The following BRI3 variants were observed in gnomAD, a reference collection of about 807,000 sequenced individuals.
BRI3 encodes the protein membrane protein BRI3.
BRI3 carries 6 observed loss-of-function variants against 12.8 expected under a neutral mutation model. That is an observed-to-expected ratio of 0.47 (90% CI 0.26 to 0.93). BRI3 has a LOEUF of 0.93. BRI3 is among the 40% of genes least tolerant of loss of function. The pLI, the probability that BRI3 is intolerant of heterozygous loss-of-function variation, is 0.15. For missense variants in BRI3, 134 were observed against 171.1 expected (o/e 0.78, Z 1.21); for synonymous variants, 91 against 76.1 (o/e 1.20, Z -1.02).
chr7:98,315,424 A>T, downstream of BRI3: 1 of 1,365,466 alleles, frequency 7.3e-7, no homozygotes, highest in Non-Finnish European at 9.6e-7. Flanking sequence ...AAATAAAGTT[A>T]TTAATACGCT....
At chr7:98,294,021 T>C (rs368175991), downstream of BRI3, 48 of 1,595,860 alleles carry the variant, frequency 3.0e-5, no homozygotes, top group Non-Finnish European at 4.0e-5. Flanking sequence ...CGGGGGACAC[T>C]ACAGGGAAGA....
chr7:98,304,205 G>A (rs777442291), upstream of BRI3: 70 of 1,596,748 alleles, frequency 4.4e-5, no homozygotes, highest in African/African-American at 8.0e-5. Flanking sequence ...CAGGAGCCGC[G>A]GTCTCGGGCT....
chr7:98,300,545 G>A (rs921127751), intron 1 of BRI3, among the ~76,000 whole-genome samples: 2 of 152,200 alleles, frequency 1.3e-5, no homozygotes, highest in African/African-American at 4.8e-5. Flanking sequence ...GCTGCTGGCT[G>A]AGATTTCAGA....
At chr7:98,296,901 A>G (rs1402858291), downstream of BRI3, among the ~76,000 whole-genome samples, 1 of 152,172 alleles carries the variant, frequency 6.6e-6, no homozygotes, top group East Asian at 1.9e-4. Flanking sequence ...TCTCAACCGC[A>G]TACCTCACAC....
chr7:98,308,356 T>C, exon 2 of BRI3: 1 of 448,532 alleles, frequency 2.2e-6, no homozygotes, highest in South Asian at 1.6e-5. Flanking sequence ...CTTGCCATGC[T>C]GGCCGCTCAG....
rs985274972 is a variant in BRI3, at chr7:98,282,430, C to T, written c.222C>T (p.Val74=). 2.4e-5 allele frequency: 39 copies of T among 1,613,916 alleles called. No individual in the cohort carries two copies. The highest frequency in any genetic ancestry group is 3.1e-5 in the Non-Finnish European group (37 of 1,179,968). ...VTRYPANSIV[V]VGGCPVCRVG... is the part of the protein sequence containing the mutation. ...GCTATCCTGCCAACTCTATCGTGGT[C>T]GTAGGAGGCTGTCCTGTCTGCAGGT... The change falls in exon 2 of 3, where the codon GTC becomes GTT. Residue 74 remains valine (V), a synonymous_variant. Transcript: ENST00000297290.
At chr7:98,302,464 ACACGTGC>A (rs1335630354), upstream of BRI3, among the ~76,000 whole-genome samples, 1 of 152,228 alleles carries the variant, frequency 6.6e-6, no homozygotes, top group Non-Finnish European at 1.5e-5. Flanking sequence ...ATGGACGTCC[ACACGTGC>A]CTCCTCACTG....
chr7:98,307,130 G>T, intron 1 of BRI3: 1 of 158,040 alleles, frequency 6.3e-6, no homozygotes, highest in Non-Finnish European at 1.4e-5. Context: ...TTATTTTTTT[G>T]AGACAGAGTC....
the BRI3 span, among the ~76,000 whole-genome samples, chr7:98,318,482 A>G: frequency 6.6e-6 from 1 of 151,806 alleles, no homozygotes; most frequent in Non-Finnish European, 1.5e-5. Context: ...AGGTTTCACC[A>G]TGTCAGCCAG....
At chr7:98,307,990 A>C in exon 2 of BRI3, 46 of 1,213,006 alleles carry the variant, frequency 3.8e-5, no homozygotes, top group Non-Finnish European at 5.0e-5. Context: ...ACCTGTTCTC[A>C]TCTTGCCAAC....
downstream of BRI3, chr7:98,292,970 G>C: frequency 8.4e-7 from 1 of 1,189,696 alleles, no homozygotes; most frequent in South Asian, 3.7e-5. Flanking sequence ...GAGGGTGGGG[G>C]TTTCTCCATC....
chr7:98,300,442 G>A (rs1303914091), intron 1 of BRI3, among the ~76,000 whole-genome samples: 1 of 152,212 alleles, frequency 6.6e-6, no homozygotes, highest in Non-Finnish European at 1.5e-5. Flanking sequence ...TCCCCGCAAT[G>A]CTTTTGCAGT....
In BRI3 at chr7:98,282,426, T is replaced by G. The variant is rs371877630; in HGVS notation, c.218T>G (p.Val73Gly). The G allele has an allele frequency of 1.9e-6, 3 of 1,613,974 alleles. No homozygotes were observed. Among genetic ancestry groups the G allele is most frequent in the Non-Finnish European group, 2.5e-6 (3 of 1,179,960 alleles). ...TVTRYPANSI[V>G]VVGGCPVCRV... ...ACCCGCTATCCTGCCAACTCTATCG[T>G]GGTCGTAGGAGGCTGTCCTGTCTGC... is the stretch of plus-strand genomic sequence containing the variant. Residue 73 changes from valine to glycine, a missense_variant, in exon 2 of 3, where the codon GTG becomes GGG. Transcript: ENST00000297290.
At chr7:98,297,200 GCAAGAATC>G (rs1423476909), downstream of BRI3, among the ~76,000 whole-genome samples, 3 of 152,206 alleles carry the variant, frequency 2.0e-5, no homozygotes, top group Admixed American at 6.5e-5. Context: ...CCCATCTCCC[GCAAGAATC>G]CAAGAATCCA....
Position 98,291,531 on chromosome 7 carries a change from C to G in BRI3, c.*288C>G, listed in dbSNP as rs1799955671. 1 of 1,190,336 alleles carries G rather than the reference C, an allele frequency of 8.4e-7. No individual in the cohort carries two copies. The highest frequency in any genetic ancestry group is 1.0e-6 in the Non-Finnish European group (1 of 954,306). 73.7% of individuals were successfully genotyped at this position (1,190,336 alleles called of 1,614,324 possible). A position where few individuals can be genotyped will look rare whatever the true frequency, so the allele number is the denominator to read the frequency against. ...AAATGAGATTCATACCATTGTTGACCTGGTGCTGCTTACTCGGTGCTTTCA... is the reference window on the plus strand; with the variant it reads ...AAATGAGATTCATACCATTGTTGACGTGGTGCTGCTTACTCGGTGCTTTCA... On this transcript the variant is annotated 3_prime_UTR_variant, in exon 3 of 3. Coordinates refer to ENST00000297290, the MANE Select transcript of BRI3 (RefSeq NM_015379.5).
chr7:98,282,394 G>A lies in BRI3; in HGVS notation c.186G>A (p.Arg62=). ...CCAGGGTCTACAACATCCACAGCCG[G>A]ACCGTCACCCGCTATCCTGCCAACT... ...HHPRVYNIHS[R]TVTRYPANSI... is the part of the protein sequence containing the mutation. The change falls in exon 2 of 3, where the codon CGG becomes CGA. Residue 62 remains arginine, a synonymous_variant. Transcript: ENST00000297290. 1 of 1,614,074 alleles carries A rather than the reference G, an allele frequency of 6.2e-7. No individual in the cohort carries two copies. The highest frequency in any genetic ancestry group is 8.5e-7 in the Non-Finnish European group (1 of 1,179,990).
rs1266297528 is a variant in BRI3 at position 98,291,369 on chromosome 7, C to G, written c.*126C>G. 1 of 1,502,762 alleles carries G rather than the reference C, an allele frequency of 6.7e-7. No homozygotes were observed. The highest frequency in any genetic ancestry group is 8.9e-7 in the Non-Finnish European group (1 of 1,125,100). 93.1% of individuals were successfully genotyped at this position (1,502,762 alleles called of 1,614,324 possible). A position where few individuals can be genotyped will look rare whatever the true frequency, so the allele number is the denominator to read the frequency against. On this transcript the variant is annotated 3_prime_UTR_variant, in exon 3 of 3. Transcript: ENST00000297290. Reference sequence around the variant, plus strand: ...AAAGCGAGGTGGGACCGATGTGGCACACGCCAGCTGCGGTTTCCCGGAGCG... The same window carrying G: ...AAAGCGAGGTGGGACCGATGTGGCAGACGCCAGCTGCGGTTTCCCGGAGCG...
In BRI3 at chr7:98,291,447, C is replaced by T. The variant is rs1399532744; in HGVS notation, c.*204C>T. ...CGAGGCTCATGACAACTCAATAAAGCACTGCTTTTATTTTTTGCAGTCTTC... is the reference window on the plus strand; with the variant it reads ...CGAGGCTCATGACAACTCAATAAAGTACTGCTTTTATTTTTTGCAGTCTTC... On this transcript the variant is annotated 3_prime_UTR_variant, in exon 3 of 3. Transcript: ENST00000297290. 3 of 1,385,034 alleles carry T rather than the reference C, an allele frequency of 2.2e-6. No homozygotes were observed. The highest frequency in any genetic ancestry group is 2.8e-6 in the Non-Finnish European group (3 of 1,071,116). The allele number at this position is 1,385,034 out of a possible 1,614,324, so 85.8% of individuals were successfully genotyped here. A position where few individuals can be genotyped will look rare whatever the true frequency, so the allele number is the denominator to read the frequency against.
downstream of BRI3, chr7:98,310,490 G>A (rs1800825868): frequency 6.2e-7 from 1 of 1,606,920 alleles, no homozygotes. Flanking sequence ...GCCGTGGCTG[G>A]GTTATTAAAC....
Sources: allele counts gnomAD v4.1 joint callset (sites outside exome capture counted in the v4.1 genomes callset), GRCh38; gene constraint gnomAD v4.1.1; transcripts MANE v1.5; gene names NCBI Gene and HGNC (gene_info 2026-07-23, HGNC 2026-07-21).